The following DNAH9 variants were observed in gnomAD, a reference collection of about 807,000 sequenced individuals.
The protein encoded by DNAH9 is DNAH9 variant protein.
A neutral mutation model predicts 471.6 loss-of-function variants in DNAH9; 345 were observed. The ratio of observed to expected loss-of-function variants is 0.73; its 90% CI spans 0.67 to 0.80. The LOEUF is 0.80. DNAH9 is among the 30% of genes least tolerant of loss of function. The probability of loss-of-function intolerance (pLI) is 0.00; values close to 1 mark genes in which losing one functional copy is unlikely to be tolerated. For missense variants in DNAH9, 5,407 were observed against 5,609.2 expected, an observed-to-expected ratio of 0.96 and a Z score of 1.15; for synonymous variants, 2,093 against 2,123.6, an observed-to-expected ratio of 0.99 and a Z score of 0.40.
In DNAH9 at chr17:11,834,870, C is replaced by T. The variant is rs770572516; in HGVS notation, c.9479C>T (p.Ala3160Val). The T allele has an allele frequency of 4.9e-5, 79 of 1,613,300 alleles. No individual in the cohort carries two copies. The highest frequency in any genetic ancestry group is 3.4e-4 in the Middle Eastern group (2 of 5,838). Reference protein sequence around the residue: ...LAKAEPALTAAQAALNTLNKT... With the variant: ...LAKAEPALTAVQAALNTLNKT... ...AAGGCTGAGCCAGCACTCACAGCAG[C>T]GCAGGCAGCTCTCAACACCCTGAAC... The change falls in exon 49 of 69, where the codon GCG (alanine) becomes GTG (valine). Residue 3160 changes from alanine to valine, a missense_variant. Ala to Val is a moderately conservative substitution (Grantham distance 64). Transcript: ENST00000262442.
In DNAH9 at chr17:11,749,727, A is replaced by G. The variant is rs150874597; in HGVS notation, c.6610+1961A>G. 2.4e-4 allele frequency among the ~76,000 whole-genome samples: 37 copies of G among 152,268 alleles called. No homozygotes were observed. In the East Asian group the frequency reaches 7.1e-3, roughly 29 times the overall value. On this transcript the variant is annotated intron_variant, in intron 32 of 68. Transcript: ENST00000262442. ...TTGATTGTAACCGTACCATTTATTAAGTAAACTATCCTTTCCCTCTGAATT... is the reference window on the plus strand; with the variant it reads ...TTGATTGTAACCGTACCATTTATTAGGTAAACTATCCTTTCCCTCTGAATT...
rs35922062 is a variant in DNAH9, at chr17:11,689,611, C to T, written c.3789C>T (p.Ile1263=). 3,311 of 1,613,854 alleles carry T rather than the reference C, an allele frequency of 2.1e-3. 76 individuals are homozygous for T. In the African/African-American group the frequency reaches 0.039, roughly 19 times the overall value. Residue 1263 remains isoleucine, a synonymous_variant, in exon 20 of 69, where the codon ATC becomes ATT. Coordinates refer to ENST00000262442, the MANE Select transcript of DNAH9 (RefSeq NM_001372.4). ...ATCAAATGCTGGATGCCAGGCACAT[C>T]GAGATCCAGCAGATGGAATCCACTA... ...HPHQMLDARH[I]EIQQMESTMA... is the part of the protein sequence containing the mutation.
At chr17:11,718,215 T>C (rs1182878565) in intron 26 of DNAH9, among the ~76,000 whole-genome samples, 1 of 152,254 alleles carries the variant, frequency 6.6e-6, no homozygotes, top group Admixed American at 6.5e-5. Flanking sequence ...TTCTTTCACT[T>C]AGCATAATGT....
Position 11,937,423 on chromosome 17 carries a change from C to G in DNAH9, c.12561C>G (p.Phe4187Leu). ...YGLHPNAEIG[F>L]LTQTSEKLFR... ...TCCACCCGAACGCAGAGATTGGCTTCCTGACCCAAACCTCAGAAAAGCTCT... is the reference window on the plus strand; with the variant it reads ...TCCACCCGAACGCAGAGATTGGCTTGCTGACCCAAACCTCAGAAAAGCTCT... The change falls in exon 66 of 69, where the codon TTC becomes TTG. Residue 4187 changes from phenylalanine to leucine, a missense_variant. Phe to Leu is a conservative substitution (Grantham distance 22, BLOSUM62 0). Coordinates refer to ENST00000262442, the MANE Select transcript of DNAH9 (RefSeq NM_001372.4). The surrounding 1 kb of genome is among the most constrained non-coding windows in gnomAD (Gnocchi z 4.1). 1 of 1,614,158 alleles carries G rather than the reference C, an allele frequency of 6.2e-7. No homozygotes were observed. Among genetic ancestry groups the G allele is most frequent in the Non-Finnish European group, 8.5e-7 (1 of 1,179,982 alleles).
chr17:11,768,510 A>C lies in DNAH9; in HGVS notation c.7228A>C (p.Lys2410Gln). 1 of 1,614,202 alleles carries C rather than the reference A, an allele frequency of 6.2e-7. No individual in the cohort carries two copies. Residue 2410 changes from lysine to glutamine, a missense_variant, in exon 37 of 69, where the codon AAG becomes CAG. Transcript: ENST00000262442. ...GTGGCTGACTGAGTTCAAAACAGTC[A>C]AGTTTCCTTCCCAAGGAACCATCTT... ...KWWLTEFKTVKFPSQGTIFDY... is the reference protein window; with the variant it reads ...KWWLTEFKTVQFPSQGTIFDY...
At chr17:11,618,869 C>A (rs1430703109) in intron 5 of DNAH9, among the ~76,000 whole-genome samples, 1 of 152,158 alleles carries the variant, frequency 6.6e-6, no homozygotes, top group African/African-American at 2.4e-5. Context: ...CCCAAAGACA[C>A]CCAAACCAGG....
Position 11,747,444 on chromosome 17 carries a change from C to T in DNAH9, c.6400-112C>T, listed in dbSNP as rs865830698. On this transcript the variant is annotated intron_variant, in intron 31 of 68. Transcript: ENST00000262442. ...TGACATCTTGGGGTAGATAACTCTT[C>T]CTCTGTTGACTTCAGGTCTCACTTC... 5 of 766,404 alleles carry T rather than the reference C, an allele frequency of 6.5e-6. No individual in the cohort carries two copies. In the African/African-American group the frequency reaches 6.9e-5, roughly 11 times the overall value. 47.5% of individuals were successfully genotyped at this position (766,404 alleles called of 1,614,324 possible). A position where few individuals can be genotyped will look rare whatever the true frequency, so the allele number is the denominator to read the frequency against.
rs113781924 is a variant in DNAH9 at position 11,623,162 on chromosome 17, C to G, written c.1350+3381C>G. 6.0e-3 allele frequency among the ~76,000 whole-genome samples: 912 copies of G among 151,986 alleles called. 6 individuals carry two copies. Among genetic ancestry groups the G allele is most frequent in the Non-Finnish European group, 0.01 (680 of 67,962 alleles). ...TTAATTTTTGTATTTTTAGTAGAGA[C>G]AGGGTCTTTCTGTGTTGGTCAGGCT... On this transcript the variant is annotated intron_variant, in intron 6 of 68. Transcript: ENST00000262442. The surrounding 1 kb of genome is among the most constrained non-coding windows in gnomAD (Gnocchi z 4.1).
intron 48 of DNAH9, among the ~76,000 whole-genome samples, chr17:11,829,364 A>G (rs1970611540): frequency 6.6e-6 from 1 of 152,258 alleles, no homozygotes; most frequent in Non-Finnish European, 1.5e-5. Context: ...AGACAAATCT[A>G]TTTAGCAATG....
intron 34 of DNAH9, 108 bp downstream of exon 34, chr17:11,756,784 A>G (rs1967411680): frequency 4.2e-6 from 3 of 719,800 alleles, no homozygotes; most frequent in Non-Finnish European, 7.4e-6. Context: ...TGGGAGCCAG[A>G]AGCCTCACGT....
chr17:11,630,952 A>G (rs75750156), intron 7 of DNAH9, among the ~76,000 whole-genome samples: 1,998 of 152,250 alleles, frequency 0.013, 53 homozygotes, highest in African/African-American at 0.046. Flanking sequence ...ACTGAGGGGG[A>G]AAAATGTTTT....
chr17:11,733,775 G>A (rs191054567), intron 28 of DNAH9, among the ~76,000 whole-genome samples: 14 of 150,954 alleles, frequency 9.3e-5, no homozygotes, highest in East Asian at 2.0e-4. Context: ...GGGGAATGGC[G>A]GTGTGAACCC....
chr17:11,882,945 C>A (rs1342394815), intron 55 of DNAH9: 1 of 985,368 alleles, frequency 1.0e-6, no homozygotes, highest in Non-Finnish European at 1.2e-6. Flanking sequence ...GTGGTTGGAA[C>A]CTCCAACAGG....
intron 1 of DNAH9, among the ~76,000 whole-genome samples, chr17:11,600,561 A>G (rs1373969168): frequency 6.6e-6 from 1 of 152,224 alleles, no homozygotes; most frequent in East Asian, 1.9e-4. Flanking sequence ...GAGACAAACA[A>G]TGTTCATCAA....
intron 33 of DNAH9, among the ~76,000 whole-genome samples, chr17:11,755,335 A>G (rs1476792389): frequency 3.9e-5 from 6 of 152,158 alleles, no homozygotes; most frequent in Non-Finnish European, 5.9e-5. Context: ...GAATTTTAAA[A>G]TAGTTTTTTC....
chr17:11,834,848 G>T lies in DNAH9; in HGVS notation c.9457G>T (p.Ala3153Ser), dbSNP rs1313793112. Reference protein sequence around the residue: ...QKDCEEDLAKAEPALTAAQAA... With the variant: ...QKDCEEDLAKSEPALTAAQAA... ...GGACTGTGAGGAGGACCTGGCAAAGGCTGAGCCAGCACTCACAGCAGCGCA... is the reference window on the plus strand; with the variant it reads ...GGACTGTGAGGAGGACCTGGCAAAGTCTGAGCCAGCACTCACAGCAGCGCA... The change falls in exon 49 of 69, where the codon GCT becomes TCT. Residue 3153 changes from alanine (A) to serine (S), a missense_variant. By Grantham distance (99) the Ala-to-Ser change is moderately conservative. Around this residue, in one of 3 missense-constraint regions of DNAH9, gnomAD observed 4,636 missense variants for 4,900.3 expected, o/e 0.95. Coordinates refer to ENST00000262442, the MANE Select transcript of DNAH9 (RefSeq NM_001372.4). The T allele has an allele frequency of 3.7e-6, 6 of 1,613,894 alleles. No individual in the cohort carries two copies.
intron 53 of DNAH9, among the ~76,000 whole-genome samples, chr17:11,876,080 T>G (rs1053790830): frequency 6.6e-6 from 1 of 151,962 alleles, no homozygotes; most frequent in Non-Finnish European, 1.5e-5. Context: ...GAAGCAGAGG[T>G]TCACAGAAGT....
intron 32 of DNAH9, among the ~76,000 whole-genome samples, chr17:11,751,314 A>G (rs1311354718): frequency 6.6e-6 from 1 of 151,952 alleles, no homozygotes; most frequent in African/African-American, 2.4e-5. Context: ...TGTGGAGCCA[A>G]AAAAACCCAA....
intron 19 of DNAH9, 84 bp from the exon 20 acceptor site, chr17:11,689,482 A>G: frequency 1.7e-6 from 2 of 1,177,384 alleles, no homozygotes; most frequent in South Asian, 3.0e-5. Flanking sequence ...GCATTTAAAT[A>G]TTTCAGCTGG....
Sources: allele counts gnomAD v4.1 joint callset (sites outside exome capture counted in the v4.1 genomes callset), GRCh38; gene constraint gnomAD v4.1.1; regional missense constraint gnomAD v4.1.1; non-coding constraint Gnocchi (gnomAD v3.1); transcripts MANE v1.5; gene names NCBI Gene and HGNC (gene_info 2026-07-23, HGNC 2026-07-21).